CPQ: variants seen among roughly 807,000 people sequenced by gnomAD.
CPQ encodes carboxypeptidase Q.
A neutral mutation model predicts 45.7 loss-of-function variants in CPQ; 37 were observed. The observed-to-expected ratio is 0.81, with a 90% CI of 0.62 to 1.07. CPQ has a LOEUF of 1.07. CPQ is among the 50% of genes least tolerant of loss of function. The pLI is 0.00. For synonymous variants in CPQ, 186 were observed against 205.8 expected, an observed-to-expected ratio of 0.90 and a Z score of 0.82; for missense variants, 537 against 572.9, an observed-to-expected ratio of 0.94 and a Z score of 0.64.
intron 1 of CPQ, among the ~76,000 whole-genome samples, chr8:96,706,402 A>G (rs892768732): frequency 1.3e-5 from 2 of 152,050 alleles, no homozygotes; most frequent in Admixed American, 1.3e-4. Context: ...AAGCATCAAC[A>G]TGACCTGCAT....
At chr8:96,955,358 G>A (rs555900640) in intron 4 of CPQ, among the ~76,000 whole-genome samples, 16 of 152,156 alleles carry the variant, frequency 1.1e-4, no homozygotes, top group South Asian at 8.3e-4. Flanking sequence ...GTGATGATGA[G>A]CATTTTTTCA....
chr8:97,021,856 G>GCAAACAAA (rs753510327), intron 5 of CPQ, among the ~76,000 whole-genome samples: 6 of 151,222 alleles, frequency 4.0e-5, no homozygotes, highest in South Asian at 2.1e-4. Context: ...GAATTTAAAA[G>GCAAACAAA]CAAACAAACA....
chr8:96,730,793 A>G (rs1236583793), intron 1 of CPQ, among the ~76,000 whole-genome samples: 4 of 149,240 alleles, frequency 2.7e-5, no homozygotes, highest in South Asian at 4.3e-4. Context: ...GGGCTTTTTA[A>G]AAGACTTTCC....
chr8:96,923,769 C>G (rs2059405063), intron 4 of CPQ, among the ~76,000 whole-genome samples: 1 of 151,808 alleles, frequency 6.6e-6, no homozygotes, highest in Non-Finnish European at 1.5e-5. Context: ...TTAGGTAATT[C>G]CAGGAAGCAA....
intron 6 of CPQ, among the ~76,000 whole-genome samples, chr8:97,058,318 G>C (rs181256717): frequency 9.2e-5 from 14 of 151,966 alleles, no homozygotes; most frequent in Non-Finnish European, 1.6e-4. Context: ...TGAACTTAGC[G>C]GTCCATTATA....
chr8:96,888,864 C>A (rs1812337232), intron 4 of CPQ, among the ~76,000 whole-genome samples: 1 of 152,168 alleles, frequency 6.6e-6, no homozygotes, highest in Non-Finnish European at 1.5e-5. Flanking sequence ...ATTGCTCTTA[C>A]ATTAATTCAG....
At chr8:96,987,249 C>T (rs1809002455) in intron 5 of CPQ, among the ~76,000 whole-genome samples, 1 of 152,076 alleles carries the variant, frequency 6.6e-6, no homozygotes, top group Non-Finnish European at 1.5e-5. Context: ...TGCATGCCCA[C>T]ATCCAGTGCA....
At chr8:96,690,782 G>C (rs1453817756) in intron 1 of CPQ, among the ~76,000 whole-genome samples, 1 of 152,128 alleles carries the variant, frequency 6.6e-6, no homozygotes, top group African/African-American at 2.4e-5. Context: ...GATAATTGCA[G>C]GAATTAGAAA....
At chr8:97,097,701 G>A (rs1401987952) in intron 7 of CPQ, among the ~76,000 whole-genome samples, 1 of 152,182 alleles carries the variant, frequency 6.6e-6, no homozygotes, top group African/African-American at 2.4e-5. Context: ...GCGCCATGCA[G>A]GTATTCAGGT....
Position 96,784,931 on chromosome 8 carries a change from G to A in CPQ, c.34G>A (p.Val12Ile), listed in dbSNP as rs1164217181. The change falls in exon 2 of 8, where the codon GTT (valine) becomes ATT (isoleucine). Residue 12 changes from valine (V) to isoleucine (I), a missense_variant. Transcript: ENST00000220763. ...CCTTATCTTCGCATTTTTCGGTGGT[G>A]TTCACCTTTTATCCCTGTGCTCTGG... ...KFLIFAFFGG[V>I]HLLSLCSGKA... is the part of the protein sequence containing the mutation. 4.3e-6 allele frequency: 7 copies of A among 1,610,872 alleles called. No homozygotes were observed. The highest frequency in any genetic ancestry group is 5.9e-6 in the Non-Finnish European group (7 of 1,178,746).
At chr8:96,817,470 T>C (rs112892898) in intron 2 of CPQ, among the ~76,000 whole-genome samples, 10 of 152,260 alleles carry the variant, frequency 6.6e-5, no homozygotes, top group African/African-American at 2.2e-4. Context: ...TGAAGAGAGT[T>C]AGGGCTTTCC....
At chr8:96,961,459 A>G (rs1420942633) in intron 4 of CPQ, among the ~76,000 whole-genome samples, 1 of 152,084 alleles carries the variant, frequency 6.6e-6, no homozygotes, top group African/African-American at 2.4e-5. Context: ...ATTTTGAGTT[A>G]TATATATTGT....
At chr8:97,083,135 A>G (rs745463199) in intron 7 of CPQ, among the ~76,000 whole-genome samples, 1 of 152,196 alleles carries the variant, frequency 6.6e-6, no homozygotes, top group Non-Finnish European at 1.5e-5. Flanking sequence ...TCAAAGGACT[A>G]TTGTGAGAAT....
At chr8:97,038,101 T>G (rs1207313905) in intron 6 of CPQ, among the ~76,000 whole-genome samples, 1 of 152,226 alleles carries the variant, frequency 6.6e-6, no homozygotes, top group Non-Finnish European at 1.5e-5. Flanking sequence ...GGTTTCAGAT[T>G]ATAGTGAAGT....
At chr8:96,990,669 T>C (rs1167598860) in intron 5 of CPQ, among the ~76,000 whole-genome samples, 1 of 152,204 alleles carries the variant, frequency 6.6e-6, no homozygotes, top group Non-Finnish European at 1.5e-5. Context: ...CCTATCATTG[T>C]TGGGACAGAA....
chr8:96,977,998 T>G lies in CPQ; in HGVS notation c.961+11952T>G, dbSNP rs188817715. The stretch of plus-strand genomic sequence containing the variant: ...ATAAAAAAAAATTTTTTAAAAGAAT[T>G]TGTTCCTTTCCTTTTTTTAATTACA... On this transcript the variant is annotated intron_variant, in intron 5 of 7. Coordinates refer to ENST00000220763, the MANE Select transcript of CPQ (RefSeq NM_016134.4). Among the ~76,000 whole-genome samples the G allele has an allele frequency of 1.7e-3, 254 of 152,266 alleles. 3 individuals are homozygous for G. Among genetic ancestry groups the G allele is most frequent in the Admixed American group, 0.013 (196 of 15,290 alleles).
At chr8:97,122,960 A>AAAT (rs1563586836) in intron 7 of CPQ, among the ~76,000 whole-genome samples, 4 of 87,332 alleles carry the variant, frequency 4.6e-5, no homozygotes, top group Non-Finnish European at 7.7e-5. Flanking sequence ...ATAAAATAAA[A>AAAT]TAAAATAAAA....
intron 2 of CPQ, among the ~76,000 whole-genome samples, chr8:96,833,364 C>T (rs1413269770): frequency 1.3e-5 from 2 of 152,160 alleles, no homozygotes; most frequent in African/African-American, 2.4e-5. Context: ...GTACCACCCT[C>T]GTGTGACTTT....
chr8:96,667,248 A>G (rs1376883637), intron 1 of CPQ, among the ~76,000 whole-genome samples: 1 of 152,200 alleles, frequency 6.6e-6, no homozygotes, highest in Non-Finnish European at 1.5e-5. Context: ...TACATAAGAA[A>G]ATGCATGTTT....
Sources: gnomAD v4.1 joint callset for allele counts (sites outside exome capture counted in the v4.1 genomes callset) on GRCh38, gnomAD v4.1.1 for gene constraint, MANE v1.5 for transcripts, NCBI Gene and HGNC (gene_info 2026-07-23, HGNC 2026-07-21) for gene names.